Variants in PSD3 observed in about 807,000 individuals in gnomAD.
PSD3 encodes PH and SEC7 domain-containing protein 3.
PSD3 carries 49 observed loss-of-function variants against 105.5 expected under a neutral mutation model. The observed-to-expected ratio is 0.46, with a 90% CI of 0.37 to 0.59. The LOEUF is 0.59. Ranked by LOEUF, PSD3 falls within the 20% of genes least tolerant of loss-of-function variation. The pLI is 0.00. For synonymous variants in PSD3, 557 were observed against 457.8 expected, an observed-to-expected ratio of 1.22 and a Z score of -2.77; for missense variants, 1,561 against 1,263.8, an observed-to-expected ratio of 1.24 and a Z score of -3.57.
intron 9 of PSD3, among the ~76,000 whole-genome samples, chr8:18,671,217 C>G (rs17644656): frequency 0.059 from 9,037 of 152,168 alleles, 777 homozygotes; most frequent in East Asian, 0.4. Flanking sequence ...TAGGATGACT[C>G]CACTTCGCCG....
chr8:18,970,185 C>T lies in PSD3; in HGVS notation c.22-34043G>A, dbSNP rs549477722. 6.5e-4 allele frequency among the ~76,000 whole-genome samples: 98 copies of T among 151,358 alleles called. No individual in the cohort carries two copies. In the Middle Eastern group the frequency reaches 0.031, roughly 47 times the overall value. On this transcript the variant is annotated intron_variant, in intron 1 of 15. Coordinates refer to ENST00000327040, the MANE Select transcript of PSD3 (RefSeq NM_015310.4). Reference sequence around the variant, plus strand: ...CTAAAAATACAAAAAATTAGCCGGGCGTGGTGGCGGGCACCTGTAGTCCCA... The same window carrying T: ...CTAAAAATACAAAAAATTAGCCGGGTGTGGTGGCGGGCACCTGTAGTCCCA...
chr8:18,771,157 C>T (rs115431941), intron 8 of PSD3, among the ~76,000 whole-genome samples: 1 of 152,054 alleles, frequency 6.6e-6, no homozygotes, highest in Admixed American at 6.6e-5. Flanking sequence ...TTTATGGGCA[C>T]AGGAATGGGG....
chr8:18,740,542 G>C (rs1024465734), intron 9 of PSD3, among the ~76,000 whole-genome samples: 4 of 152,098 alleles, frequency 2.6e-5, no homozygotes, highest in African/African-American at 9.7e-5. Context: ...GAGTGACCTT[G>C]GATGAATCTC....
chr8:18,684,064 C>G (rs1037924125), intron 9 of PSD3: 1 of 611,636 alleles, frequency 1.6e-6, no homozygotes, highest in African/African-American at 1.8e-5. Context: ...TCCGCGTTAG[C>G]TTAAGAAGCA....
chr8:19,070,817 T>C (rs891942087), intron 1 of PSD3, among the ~76,000 whole-genome samples: 1 of 152,238 alleles, frequency 6.6e-6, no homozygotes, highest in South Asian at 2.1e-4. Context: ...AACTCAGCAC[T>C]AACCAAGCAA....
At chr8:18,907,361 T>C (rs926646003) in intron 2 of PSD3, among the ~76,000 whole-genome samples, 2 of 152,164 alleles carry the variant, frequency 1.3e-5, no homozygotes, top group African/African-American at 4.8e-5. Context: ...TTTGTAGAGA[T>C]GGGGGTCTCG....
At chr8:18,757,330 G>A (rs1806135964) in intron 9 of PSD3, among the ~76,000 whole-genome samples, 1 of 152,032 alleles carries the variant, frequency 6.6e-6, no homozygotes, top group African/African-American at 2.4e-5. Flanking sequence ...TGGGCGTGGT[G>A]GTGGATGCCT....
chr8:18,548,359 A>T (rs559846116), intron 15 of PSD3, among the ~76,000 whole-genome samples: 204 of 152,152 alleles, frequency 1.3e-3, no homozygotes, highest in African/African-American at 3.9e-3. Context: ...TATTATTATT[A>T]TTTTTTGATT....
chr8:18,586,314 G>A (rs1803182645), intron 12 of PSD3, among the ~76,000 whole-genome samples: 2 of 152,148 alleles, frequency 1.3e-5, no homozygotes, highest in Non-Finnish European at 2.9e-5. Context: ...TTTTCCTTCT[G>A]ATGACTATTG....
At chr8:18,752,023 A>T (rs975883245) in intron 9 of PSD3, among the ~76,000 whole-genome samples, 17 of 98,778 alleles carry the variant, frequency 1.7e-4, no homozygotes, top group South Asian at 7.9e-4. Flanking sequence ...AAAAATACAT[A>T]AAAAAAAAAA....
chr8:18,661,209 A>C (rs1447003310), intron 9 of PSD3, among the ~76,000 whole-genome samples: 1 of 152,176 alleles, frequency 6.6e-6, no homozygotes, highest in East Asian at 1.9e-4. Context: ...CATTATGAAA[A>C]GTATGGAGGA....
intron 1 of PSD3, among the ~76,000 whole-genome samples, chr8:18,958,115 C>T (rs768756922): frequency 3.3e-5 from 5 of 151,896 alleles, no homozygotes; most frequent in Admixed American, 1.3e-4. Flanking sequence ...TCATCAAGGG[C>T]CTGGCTAATA....
chr8:18,811,522 C>G (rs1423047698), intron 4 of PSD3, among the ~76,000 whole-genome samples: 3 of 152,034 alleles, frequency 2.0e-5, no homozygotes, highest in African/African-American at 7.2e-5. Flanking sequence ...GACGTTTGCT[C>G]TGGAAAAAAA....
intron 1 of PSD3, among the ~76,000 whole-genome samples, chr8:19,019,895 G>T (rs1027060398): frequency 5.3e-5 from 8 of 152,120 alleles, no homozygotes; most frequent in African/African-American, 1.7e-4. Flanking sequence ...GAAGAGAATG[G>T]AGAAAAGAGG....
chr8:18,808,618 T>A, intron 4 of PSD3: 1 of 1,179,124 alleles, frequency 8.5e-7, no homozygotes. Flanking sequence ...AAGGAGAAAA[T>A]AAAGCACAAA....
At chr8:18,717,612 T>C (rs1315297317) in intron 9 of PSD3, among the ~76,000 whole-genome samples, 2 of 152,218 alleles carry the variant, frequency 1.3e-5, no homozygotes, top group Non-Finnish European at 2.9e-5. Context: ...TATATGTTTG[T>C]ATGTTAAATT....
intron 1 of PSD3, among the ~76,000 whole-genome samples, chr8:18,990,423 C>G (rs1825726571): frequency 6.6e-6 from 1 of 152,192 alleles, no homozygotes; most frequent in African/African-American, 2.4e-5. Context: ...TCTTTTCTGC[C>G]CATGGCCATT....
chr8:19,043,187 T>C (rs1467000992), intron 1 of PSD3, among the ~76,000 whole-genome samples: 2 of 152,156 alleles, frequency 1.3e-5, no homozygotes, highest in Non-Finnish European at 2.9e-5. Flanking sequence ...TTGCCAAATA[T>C]GATAGACTGG....
intron 12 of PSD3, among the ~76,000 whole-genome samples, chr8:18,583,667 A>G (rs546648453): frequency 6.6e-6 from 1 of 152,264 alleles, no homozygotes; most frequent in East Asian, 1.9e-4. Context: ...GGGGTTAGAT[A>G]TCACTTTCTT....
Sources: gnomAD v4.1 joint callset for allele counts (sites outside exome capture counted in the v4.1 genomes callset) on GRCh38, gnomAD v4.1.1 for gene constraint, MANE v1.5 for transcripts, NCBI Gene and HGNC (gene_info 2026-07-23, HGNC 2026-07-21) for gene names.